CD84: variants seen among roughly 807,000 people sequenced by gnomAD.
The protein encoded by CD84 is SLAM family member 5.
Under a neutral mutation model 33.8 loss-of-function variants are expected in CD84, and 22 were observed. The ratio of observed to expected loss-of-function variants is 0.65; its 90% CI spans 0.46 to 0.93. The LOEUF (loss-of-function observed/expected upper bound fraction) is 0.93. Ranked by LOEUF, CD84 falls within the 40% of genes least tolerant of loss-of-function variation. CD84 has a pLI of 0.00. For missense variants in CD84, 400 were observed against 397.6 expected (o/e 1.01, Z -0.05); for synonymous variants, 154 against 145.2 (o/e 1.06, Z -0.44).
At position 160,553,442 on chromosome 1, in the gene CD84, C is replaced by G; in HGVS notation, c.696G>C (p.Met232Ile). ...ACAGAATGAGAACAAGCAGAAAGAA[C>G]ATAGCCAGCACGCTCAGCAACCCGG... ...HHTGLLSVLA[M>I]FFLLVLILSS... Residue 232 changes from methionine to isoleucine, a missense_variant, in exon 4 of 7, where the codon ATG (methionine) becomes ATC (isoleucine). By Grantham distance (10) the Met-to-Ile change is conservative (BLOSUM62 1). Coordinates refer to ENST00000368054, the MANE Select transcript of CD84 (RefSeq NM_003874.4). 1 of 1,614,094 alleles carries G rather than the reference C, an allele frequency of 6.2e-7. No homozygotes were observed. Among genetic ancestry groups the G allele is most frequent in the Non-Finnish European group, 8.5e-7 (1 of 1,180,012 alleles).
At chr1:160,574,609 G>A (rs1571390104) in intron 1 of CD84, among the ~76,000 whole-genome samples, 1 of 152,146 alleles carries the variant, frequency 6.6e-6, no homozygotes, top group East Asian at 1.9e-4. Context: ...TGGTCCTAAG[G>A]AGAGCCTTGC....
chr1:160,575,358 C>A (rs773262619), intron 1 of CD84, among the ~76,000 whole-genome samples: 2 of 152,056 alleles, frequency 1.3e-5, no homozygotes, highest in African/African-American at 4.8e-5. Flanking sequence ...TCCAAAGCGA[C>A]GGAAAGTCCT....
chr1:160,563,054 C>T (rs1413629119), intron 2 of CD84, among the ~76,000 whole-genome samples: 1 of 152,112 alleles, frequency 6.6e-6, no homozygotes, highest in African/African-American at 2.4e-5. Context: ...CATCTCCTGC[C>T]CGTCAGAATG....
Position 160,547,193 on chromosome 1 carries a change from G to T in CD84, c.*1063C>A, listed in dbSNP as rs1655882367. 4 of 398,632 alleles carry T rather than the reference G, an allele frequency of 1.0e-5. No homozygotes were observed. The highest frequency in any genetic ancestry group is 4.1e-5 in the African/African-American group (2 of 48,630). The allele number at this position is 398,632 out of a possible 1,614,324, so 24.7% of individuals were successfully genotyped here. A position where few individuals can be genotyped will look rare whatever the true frequency, so the allele number is the denominator to read the frequency against. On this transcript the variant is annotated 3_prime_UTR_variant, in exon 7 of 7. Coordinates refer to ENST00000368054, the MANE Select transcript of CD84 (RefSeq NM_003874.4). ...TAAACTCTAGTTCTCTGAGTCTTTG[G>T]AACTGGGATGAACCCAGTTTCATCA...
In CD84 at chr1:160,549,959, C is replaced by G; in HGVS notation, c.879G>C (p.Glu293Asp). The G allele has an allele frequency of 2.5e-6, 4 of 1,612,670 alleles. No homozygotes were observed. Among genetic ancestry groups the G allele is most frequent in the South Asian group, 2.2e-5 (2 of 91,056 alleles). ...CTTCGGAATAAACTGTGTTCACTGG[C>G]TCTTCCTTGGAGGGAAGCACCTGTA... ...LQSKVLPSKE[E>D]PVNTVYSEVQ... Residue 293 changes from glutamate (E) to aspartate (D), a missense_variant, in exon 6 of 7, where the codon GAG (glutamate) becomes GAC (aspartate). Glu to Asp is a conservative substitution (Grantham distance 45). Transcript: ENST00000368054.
intron 1 of CD84, among the ~76,000 whole-genome samples, chr1:160,568,500 G>C (rs1657464429): frequency 6.6e-6 from 1 of 152,184 alleles, no homozygotes; most frequent in Non-Finnish European, 1.5e-5. Flanking sequence ...TGTGCTCTGA[G>C]AGAAGCAGCT....
chr1:160,569,756 G>A (rs1027904442), intron 1 of CD84, among the ~76,000 whole-genome samples: 1 of 152,164 alleles, frequency 6.6e-6, no homozygotes, highest in Non-Finnish European at 1.5e-5. Flanking sequence ...GAAAGGGAAA[G>A]GAGGGGTGTC....
intron 2 of CD84, among the ~76,000 whole-genome samples, chr1:160,564,268 T>A (rs1019043551): frequency 6.6e-6 from 1 of 152,106 alleles, no homozygotes; most frequent in African/African-American, 2.4e-5. Context: ...ATGGCCAAAA[T>A]GAAAAATAAT....
chr1:160,550,657 T>G (rs2102128242), intron 5 of CD84: 1 of 985,356 alleles, frequency 1.0e-6, no homozygotes, highest in South Asian at 4.7e-5. Context: ...AGGGGGCGCC[T>G]TGCTCCTAGT....
chr1:160,553,507 G>A lies in CD84; in HGVS notation c.641-10C>T, dbSNP rs978791382. ...AAGCCCATTGCGATGTCTGGAAATA[G>A]AAGATGCAGTGAGTCTTGATTCTCA... On this transcript the variant is annotated splice_polypyrimidine_tract_variant and intron_variant, in intron 3 of 6. Coordinates refer to ENST00000368054, the MANE Select transcript of CD84 (RefSeq NM_003874.4). The A allele has an allele frequency of 2.5e-6, 4 of 1,614,112 alleles. No individual in the cohort carries two copies. Among genetic ancestry groups the A allele is most frequent in the Non-Finnish European group, 3.4e-6 (4 of 1,179,960 alleles).
At chr1:160,555,505 C>T (rs1656553056) in intron 2 of CD84, among the ~76,000 whole-genome samples, 1 of 152,062 alleles carries the variant, frequency 6.6e-6, no homozygotes, top group South Asian at 2.1e-4. Flanking sequence ...AATGTTTTTA[C>T]TTAAGCAATC....
chr1:160,579,439 T>C lies in CD84; in HGVS notation c.-2A>G, dbSNP rs754178658. 4 of 1,613,160 alleles carry C rather than the reference T, an allele frequency of 2.5e-6. No homozygotes were observed. Among genetic ancestry groups the C allele is most frequent in the Non-Finnish European group, 3.4e-6 (4 of 1,179,384 alleles). On this transcript the variant is annotated 5_prime_UTR_variant, in exon 1 of 7. Coordinates refer to ENST00000368054, the MANE Select transcript of CD84 (RefSeq NM_003874.4). ...GATCCATAGGTGGTGCTGAGCCATCTCTTTCAGGGTCTAACCTTCTGTGGA... is the reference window on the plus strand; with the variant it reads ...GATCCATAGGTGGTGCTGAGCCATCCCTTTCAGGGTCTAACCTTCTGTGGA...
In CD84 at chr1:160,546,944, C is replaced by T. The variant is rs1655864724; in HGVS notation, c.*1312G>A. On this transcript the variant is annotated 3_prime_UTR_variant, in exon 7 of 7. Coordinates refer to ENST00000368054, the MANE Select transcript of CD84 (RefSeq NM_003874.4). ...TACTGGGACTGATGTCTTTATCTGC[C>T]TAATTGCAGCCCATTGCTGTCCAGC... 1 of 393,252 alleles carries T rather than the reference C, an allele frequency of 2.5e-6. No homozygotes were observed. The highest frequency in any genetic ancestry group is 3.6e-5 in the East Asian group (1 of 27,800). The allele number at this position is 393,252 out of a possible 1,614,324, so 24.4% of individuals were successfully genotyped here.
chr1:160,572,532 C>A lies in CD84; in HGVS notation c.47-6787G>T, dbSNP rs146055667. Among the ~76,000 whole-genome samples, 33 of 150,950 alleles carry A rather than the reference C, an allele frequency of 2.2e-4. No individual in the cohort carries two copies. In the East Asian group the frequency reaches 4.5e-3, roughly 21 times the overall value. ...ATAAAGCACTTAGCACAATGCCTGG[C>A]ACATATAAATGGTAGTTGCTATTAT... is the stretch of plus-strand genomic sequence containing the variant. On this transcript the variant is annotated intron_variant, in intron 1 of 6. Coordinates refer to ENST00000368054, the MANE Select transcript of CD84 (RefSeq NM_003874.4).
In CD84 at chr1:160,552,253, T is replaced by C. The variant is rs78786982; in HGVS notation, c.760+1125A>G. Among the ~76,000 whole-genome samples, 4 of 152,222 alleles carry C rather than the reference T, an allele frequency of 2.6e-5. No homozygotes were observed. In the East Asian group the frequency reaches 7.7e-4, roughly 29 times the overall value. On this transcript the variant is annotated intron_variant, in intron 4 of 6. Coordinates refer to ENST00000368054, the MANE Select transcript of CD84 (RefSeq NM_003874.4). ...AGTCAGCGAGGGATTGAAGACAATA[T>C]CTCTTTGAGGGACCTTGCAGATCAC...
At chr1:160,554,176 G>A (rs1212442518) in intron 2 of CD84, 30 bp from the exon 3 acceptor site, 1 of 1,575,152 alleles carries the variant, frequency 6.3e-7, no homozygotes, top group Admixed American at 1.7e-5. Flanking sequence ...AGCCAATAGT[G>A]AGCTGGAGCT....
intron 2 of CD84, among the ~76,000 whole-genome samples, chr1:160,561,697 C>T (rs372202092): frequency 2.0e-5 from 3 of 152,038 alleles, no homozygotes; most frequent in South Asian, 4.2e-4. Flanking sequence ...AAAGGGTATT[C>T]GAATAGGGAG....
At chr1:160,571,671 G>T (rs188526145) in intron 1 of CD84, among the ~76,000 whole-genome samples, 8 of 152,216 alleles carry the variant, frequency 5.3e-5, no homozygotes, top group East Asian at 1.9e-4. Context: ...CTGGGGGCTG[G>T]GGGGGAGGAG....
intron 1 of CD84, among the ~76,000 whole-genome samples, chr1:160,578,079 T>C (rs1658079505): frequency 6.6e-6 from 1 of 152,164 alleles, no homozygotes; most frequent in South Asian, 2.1e-4. Context: ...AAAACCAATG[T>C]CTATTTCCAG....
Sources: gnomAD v4.1 joint callset for allele counts (sites outside exome capture counted in the v4.1 genomes callset) on GRCh38, gnomAD v4.1.1 for gene constraint, MANE v1.5 for transcripts, NCBI Gene and HGNC (gene_info 2026-07-23, HGNC 2026-07-21) for gene names.